Variants in SLC14A2 observed in about 807,000 individuals in gnomAD.
SLC14A2 encodes the protein urea transporter 2.
A neutral mutation model predicts 104.6 loss-of-function variants in SLC14A2; 91 were observed. That is an observed-to-expected ratio of 0.87 (90% CI 0.73 to 1.04). The LOEUF (loss-of-function observed/expected upper bound fraction) is 1.04. Ranked by LOEUF, SLC14A2 falls within the 50% of genes least tolerant of loss-of-function variation. The pLI is 0.00. For missense variants in SLC14A2, 1,189 were observed against 1,156.0 expected, an observed-to-expected ratio of 1.03 and a Z score of -0.41; for synonymous variants, 476 against 466.4, an observed-to-expected ratio of 1.02 and a Z score of -0.27.
At chr18:45,466,578 A>G (rs2612558) in intron 1 of SLC14A2, among the ~76,000 whole-genome samples, 84,293 of 144,050 alleles carry the variant, frequency 0.59, 24,984 homozygotes, top group Admixed American at 0.69. Flanking sequence ...AGATGGAATC[A>G]CCCAAGCCAA....
intron 1 of SLC14A2, among the ~76,000 whole-genome samples, chr18:45,458,131 G>T (rs1470140080): frequency 6.6e-6 from 1 of 152,220 alleles, no homozygotes; most frequent in South Asian, 2.1e-4. Context: ...AGACAGAGAA[G>T]AAATGCCTGC....
At chr18:45,489,013 C>T (rs558266699) in intron 2 of SLC14A2, among the ~76,000 whole-genome samples, 4 of 152,296 alleles carry the variant, frequency 2.6e-5, no homozygotes, top group East Asian at 1.9e-4. Flanking sequence ...TTTCCTGCAT[C>T]TTCTAGAAGA....
In SLC14A2 at chr18:45,419,860, G is replaced by A. The variant is rs1598783763; in HGVS notation, c.-124-63373G>A. The stretch of plus-strand genomic sequence containing the variant: ...GTCCTTTGCACTTTCAGTAGAGTGG[G>A]CATTCTTGCTAATAGTACTCAATAT... On this transcript the variant is annotated intron_variant, in intron 1 of 20. Coordinates refer to the SLC14A2 transcript ENST00000586448. 2.0e-5 allele frequency among the ~76,000 whole-genome samples: 3 copies of A among 152,218 alleles called. No individual in the cohort carries two copies. In the East Asian group the frequency reaches 5.8e-4, roughly 29 times the overall value.
chr18:45,435,708 T>C (rs2086585473), intron 1 of SLC14A2, among the ~76,000 whole-genome samples: 1 of 152,210 alleles, frequency 6.6e-6, no homozygotes, highest in Non-Finnish European at 1.5e-5. Context: ...TAGTGCCTAG[T>C]GGCTTGTCCC....
chr18:45,657,587 A>C (rs2045862848), intron 10 of SLC14A2, among the ~76,000 whole-genome samples: 1 of 152,100 alleles, frequency 6.6e-6, no homozygotes, highest in Non-Finnish European at 1.5e-5. Flanking sequence ...AGAAAAGAAA[A>C]AAGAAAGAAA....
At chr18:45,408,631 G>A (rs2086181856) in intron 1 of SLC14A2, among the ~76,000 whole-genome samples, 1 of 152,128 alleles carries the variant, frequency 6.6e-6, no homozygotes, top group Non-Finnish European at 1.5e-5. Flanking sequence ...GGATTAATGA[G>A]GCCATTAATT....
chr18:45,359,135 G>A lies in SLC14A2; in HGVS notation c.-124-124098G>A, dbSNP rs147000133. ...CCAAGCAGCAATCCAATGCCTTAAA[G>A]GTGATGCTGACTCATGGTTCCATCC... is the stretch of plus-strand genomic sequence containing the variant. On this transcript the variant is annotated intron_variant, in intron 1 of 20. Coordinates refer to the SLC14A2 transcript ENST00000586448. Among the ~76,000 whole-genome samples the A allele has an allele frequency of 2.7e-3, 414 of 152,278 alleles. 1 individual carries two copies. The highest frequency in any genetic ancestry group is 9.4e-3 in the African/African-American group (389 of 41,536).
the SLC14A2 span, among the ~76,000 whole-genome samples, chr18:45,178,809 A>G: frequency 6.6e-6 from 1 of 152,178 alleles, no homozygotes; most frequent in Non-Finnish European, 1.5e-5. Flanking sequence ...CACATGAGAA[A>G]TCCTTGATGC....
At chr18:45,187,132 A>C in the SLC14A2 span, among the ~76,000 whole-genome samples, 2 of 152,180 alleles carry the variant, frequency 1.3e-5, no homozygotes, top group African/African-American at 4.8e-5. Flanking sequence ...AATATTCTGC[A>C]TTTCCTTTTA....
At chr18:45,597,520 G>T (rs1410149248) in intron 2 of SLC14A2, among the ~76,000 whole-genome samples, 1 of 152,178 alleles carries the variant, frequency 6.6e-6, no homozygotes, top group Non-Finnish European at 1.5e-5. Flanking sequence ...GGGGAAAACG[G>T]TAACTAAAAG....
At chr18:45,256,025 CA>C (rs1355056141) in intron 1 of SLC14A2, among the ~76,000 whole-genome samples, 1 of 152,146 alleles carries the variant, frequency 6.6e-6, no homozygotes, top group Non-Finnish European at 1.5e-5. Context: ...TGATTCCTGA[CA>C]CCTGCCTTTG....
intron 1 of SLC14A2, among the ~76,000 whole-genome samples, chr18:45,445,072 G>A (rs1294349963): frequency 6.7e-6 from 1 of 149,722 alleles, no homozygotes; most frequent in Non-Finnish European, 1.5e-5. Context: ...GAGTAAATGT[G>A]CAGATGTTTA....
At chr18:45,395,208 A>T (rs887970074) in intron 1 of SLC14A2, among the ~76,000 whole-genome samples, 27 of 152,368 alleles carry the variant, frequency 1.8e-4, no homozygotes, top group African/African-American at 5.8e-4. Flanking sequence ...GCTTTAAAAA[A>T]GTAGAAAATC....
At chr18:45,616,799 T>C (rs1449178312) in intron 1 of SLC14A2, among the ~76,000 whole-genome samples, 1 of 152,160 alleles carries the variant, frequency 6.6e-6, no homozygotes, top group Non-Finnish European at 1.5e-5. Flanking sequence ...CACCCCACTT[T>C]AGAAGTGTCA....
chr18:45,498,742 A>C (rs2043142960), intron 2 of SLC14A2, among the ~76,000 whole-genome samples: 2 of 152,114 alleles, frequency 1.3e-5, no homozygotes, highest in Admixed American at 1.3e-4. Flanking sequence ...GAAAGAAAAA[A>C]AGAGAGAGAG....
intron 2 of SLC14A2, among the ~76,000 whole-genome samples, chr18:45,595,525 GGGTACGCAGGCA>G (rs1403404671): frequency 6.6e-6 from 1 of 152,082 alleles, no homozygotes. Context: ...AAGTAAACTG[GGGTACGCAGGCA>G]TTAAGTGAAT....
chr18:45,437,456 T>G (rs2086615195), intron 1 of SLC14A2, among the ~76,000 whole-genome samples: 1 of 152,190 alleles, frequency 6.6e-6, no homozygotes, highest in Admixed American at 6.5e-5. Flanking sequence ...GAGCCAGGCA[T>G]GCCCAACCAG....
At chr18:45,598,433 A>G (rs2044743388) in intron 2 of SLC14A2, among the ~76,000 whole-genome samples, 1 of 152,184 alleles carries the variant, frequency 6.6e-6, no homozygotes, top group Admixed American at 6.5e-5. Context: ...GGTGGGCTAC[A>G]TGGACGGCGC....
At chr18:45,677,803 TTTTG>T (rs1182814686) in intron 18 of SLC14A2, among the ~76,000 whole-genome samples, 1 of 152,182 alleles carries the variant, frequency 6.6e-6, no homozygotes, top group Non-Finnish European at 1.5e-5. Context: ...ACTCATTCTC[TTTTG>T]TTTGTTTGTT....
Sources: gnomAD v4.1 joint callset for allele counts (sites outside exome capture counted in the v4.1 genomes callset) on GRCh38, gnomAD v4.1.1 for gene constraint, MANE v1.5 for transcripts, NCBI Gene and HGNC (gene_info 2026-07-23, HGNC 2026-07-21) for gene names.